FBN2: variants seen among roughly 807,000 people sequenced by gnomAD.
The protein encoded by FBN2 is fibrillin-2.
In FBN2, 105 loss-of-function variants were observed where a neutral mutation model predicts 355.6. The ratio of observed to expected loss-of-function variants is 0.30; its 90% confidence interval spans 0.25 to 0.35. FBN2 has a LOEUF of 0.35. Among genes scored for constraint, FBN2 ranks in the 10% least tolerant of loss-of-function variants. The pLI is 1.00. For missense variants in FBN2, 3,280 were observed against 3,758.7 expected (o/e 0.87, Z 3.33); for synonymous variants, 1,350 against 1,301.2 (o/e 1.04, Z -0.81).
intron 5 of FBN2, among the ~76,000 whole-genome samples, chr5:128,466,740 A>G (rs1460461081): frequency 2.0e-5 from 3 of 152,302 alleles, no homozygotes; most frequent in East Asian, 1.9e-4. Flanking sequence ...AATCCCTTGC[A>G]TAAGAACAAC....
At chr5:128,363,343 C>A (rs1363044363) in intron 18 of FBN2, among the ~76,000 whole-genome samples, 1 of 152,088 alleles carries the variant, frequency 6.6e-6, no homozygotes, top group African/African-American at 2.4e-5. Context: ...GCACGTGCCA[C>A]CATGCCCAGC....
intron 5 of FBN2, among the ~76,000 whole-genome samples, chr5:128,487,640 A>C (rs1016665432): frequency 6.6e-6 from 1 of 152,200 alleles, no homozygotes; most frequent in Non-Finnish European, 1.5e-5. Context: ...AGTGACTAGC[A>C]GATGAGAGCT....
At chr5:128,497,881 T>C (rs1291332197) in intron 5 of FBN2, among the ~76,000 whole-genome samples, 1 of 152,210 alleles carries the variant, frequency 6.6e-6, no homozygotes, top group Non-Finnish European at 1.5e-5. Flanking sequence ...TGCCAGAACA[T>C]ACTTAGTGAA....
intron 8 of FBN2, among the ~76,000 whole-genome samples, chr5:128,398,031 C>T (rs1348565799): frequency 6.6e-6 from 1 of 152,086 alleles, no homozygotes; most frequent in Admixed American, 6.6e-5. Flanking sequence ...AAAGATCTCT[C>T]TTAAGAATCT....
intron 25 of FBN2, among the ~76,000 whole-genome samples, chr5:128,340,794 G>C (rs1246526523): frequency 6.6e-6 from 1 of 151,864 alleles, no homozygotes; most frequent in Non-Finnish European, 1.5e-5. Flanking sequence ...CTCATAGAAA[G>C]TGCTCTCTCT....
chr5:128,448,468 C>T (rs542114895), intron 6 of FBN2, among the ~76,000 whole-genome samples: 20 of 151,948 alleles, frequency 1.3e-4, no homozygotes, highest in Middle Eastern at 3.4e-3. Context: ...CCACCACGCC[C>T]GGCTAATTTT....
intron 55 of FBN2, among the ~76,000 whole-genome samples, chr5:128,286,197 A>G (rs1270050849): frequency 6.6e-6 from 1 of 152,234 alleles, no homozygotes; most frequent in Non-Finnish European, 1.5e-5. Context: ...TGAATGAAAT[A>G]TCTAACAAAT....
intron 36 of FBN2, 88 bp from the exon 37 acceptor site, chr5:128,312,883 C>A: frequency 7.0e-7 from 1 of 1,420,932 alleles, no homozygotes; most frequent in South Asian, 1.1e-5. Context: ...GGATGAAATT[C>A]AAATTTTGTA....
At chr5:128,449,631 G>A (rs72785139) in intron 6 of FBN2, among the ~76,000 whole-genome samples, 3,472 of 151,278 alleles carry the variant, frequency 0.023, 65 homozygotes, top group Non-Finnish European at 0.04. Context: ...GTCAGGCAAA[G>A]AGAAAAAGAG....
intron 5 of FBN2, among the ~76,000 whole-genome samples, chr5:128,488,342 T>G (rs1254905616): frequency 6.6e-6 from 1 of 152,160 alleles, no homozygotes; most frequent in Non-Finnish European, 1.5e-5. Context: ...ATATCAACCA[T>G]GAATTGTCCG....
At chr5:128,423,925 T>C (rs1238789711) in intron 7 of FBN2, among the ~76,000 whole-genome samples, 1 of 152,132 alleles carries the variant, frequency 6.6e-6, no homozygotes, top group Non-Finnish European at 1.5e-5. Context: ...AGGAAATATA[T>C]TTAGACTCCA....
chr5:128,516,975 C>T (rs972739094), intron 5 of FBN2, among the ~76,000 whole-genome samples: 1 of 152,168 alleles, frequency 6.6e-6, no homozygotes, highest in Admixed American at 6.5e-5. Flanking sequence ...AGCTTTAGAA[C>T]TTCCATCTGA....
intron 4 of FBN2, among the ~76,000 whole-genome samples, chr5:128,521,313 C>T (rs946593868): frequency 1.5e-4 from 23 of 151,988 alleles, no homozygotes; most frequent in African/African-American, 5.6e-4. Context: ...GGGAACTGAA[C>T]GATGAGAACA....
At chr5:128,437,665 C>T (rs983108561) in intron 7 of FBN2, among the ~76,000 whole-genome samples, 23 of 151,696 alleles carry the variant, frequency 1.5e-4, no homozygotes, top group Non-Finnish European at 3.1e-4. Flanking sequence ...AATCATGAAT[C>T]AAATACTATG....
Position 128,311,911 on chromosome 5 carries a change from G to A in FBN2, c.4922C>T (p.Pro1641Leu). ...TTCTAAAATGATTGTGATGGGGTTAGGTCTGAAGCCTTCACCTCCGGGACA... is the reference window on the plus strand; with the variant it reads ...TTCTAAAATGATTGTGATGGGGTTAAGTCTGAAGCCTTCACCTCCGGGACA... ...TLCPGGEGFR[P>L]NPITIILEDI... The change falls in exon 38 of 65, where the codon CCT becomes CTT. Residue 1641 changes from proline (P) to leucine (L), a missense_variant. By Grantham distance (98) the Pro-to-Leu change is moderately conservative. Around this residue, in one of 6 missense-constraint regions of FBN2, gnomAD observed 2,284 missense variants for 2,749.5 expected, o/e 0.83. Coordinates refer to ENST00000262464, the MANE Select transcript of FBN2 (RefSeq NM_001999.4). 6.2e-7 allele frequency: 1 copy of A among 1,612,240 alleles called. No homozygotes were observed. Among genetic ancestry groups the A allele is most frequent in the South Asian group, 1.1e-5 (1 of 91,026 alleles).
chr5:128,305,619 T>C lies in FBN2; in HGVS notation c.5566A>G (p.Asn1856Asp). 6.2e-7 allele frequency: 1 copy of C among 1,614,056 alleles called. No homozygotes were observed. Among genetic ancestry groups the C allele is most frequent in the South Asian group, 1.1e-5 (1 of 91,086 alleles). ...LVCEDIDECS[N>D]GDNLCQRNAD... ...TTCCGCTGGCAGAGATTATCACCAT[T>C]GCTGCACTCATCTATATCTGAAAGA... is the stretch of plus-strand genomic sequence containing the variant. Residue 1856 changes from asparagine (N) to aspartate (D), a missense_variant, in exon 44 of 65, where the codon AAT becomes GAT. Around this residue, in one of 6 missense-constraint regions of FBN2, gnomAD observed 2,284 missense variants for 2,749.5 expected, o/e 0.83. Transcript: ENST00000262464.
chr5:128,510,151 G>A (rs1235320812), intron 5 of FBN2, among the ~76,000 whole-genome samples: 3 of 152,092 alleles, frequency 2.0e-5, no homozygotes, highest in African/African-American at 7.2e-5. Context: ...TTCTCACCCC[G>A]TAGCACAGGA....
intron 22 of FBN2, 132 bp downstream of exon 22, chr5:128,349,823 T>C (rs544681315): frequency 2.6e-6 from 2 of 756,872 alleles, no homozygotes; most frequent in Non-Finnish European, 4.6e-6. Flanking sequence ...CATTTGTTGA[T>C]TACATCGAGT....
chr5:128,300,795 T>C (rs1301449166), intron 48 of FBN2, 22 bp downstream of exon 48: 6 of 1,613,348 alleles, frequency 3.7e-6, no homozygotes, highest in Admixed American at 1.7e-5. Flanking sequence ...CTAGTGGGCC[T>C]CAGAATAAAT....
Sources: gnomAD v4.1 joint callset for allele counts (sites outside exome capture counted in the v4.1 genomes callset) on GRCh38, gnomAD v4.1.1 for gene constraint, gnomAD v4.1.1 regional missense constraint, MANE v1.5 for transcripts, NCBI Gene and HGNC (gene_info 2026-07-23, HGNC 2026-07-21) for gene names.